Variants in C3orf33 observed in about 807,000 individuals in gnomAD.
The protein encoded by C3orf33 is mitochondrial inner membrane subdomain organizer 1.
A neutral mutation model predicts 28.7 loss-of-function variants in C3orf33; 23 were observed. The observed-to-expected ratio is 0.80, with a 90% CI of 0.58 to 1.13. C3orf33 has a LOEUF of 1.13. Ranked by LOEUF, C3orf33 falls within the 50% of genes most tolerant of loss-of-function variation. The pLI is 0.00. For synonymous variants in C3orf33, 119 were observed against 120.5 expected, an observed-to-expected ratio of 0.99 and a Z score of 0.08; for missense variants, 327 against 353.4, an observed-to-expected ratio of 0.93 and a Z score of 0.60.
At chr3:155,805,888 C>G (rs1751795192) in intron 1 of C3orf33, among the ~76,000 whole-genome samples, 1 of 152,208 alleles carries the variant, frequency 6.6e-6, no homozygotes, top group Admixed American at 6.5e-5. Flanking sequence ...TGAGGTGCCC[C>G]CTACAGCCCA....
chr3:155,790,983 G>A (rs951404876), intron 2 of C3orf33, among the ~76,000 whole-genome samples: 5 of 152,202 alleles, frequency 3.3e-5, no homozygotes, highest in Admixed American at 6.5e-5. Context: ...AGACATCAAT[G>A]AGGGTGGCCA....
chr3:155,763,579 A>G lies in C3orf33; in HGVS notation c.823T>C (p.Cys275Arg), dbSNP rs191188831. 4.7e-4 allele frequency: 738 copies of G among 1,573,646 alleles called. No individual in the cohort carries two copies. The highest frequency in any genetic ancestry group is 6.3e-4 in the South Asian group (52 of 82,422). ...YEIWKDNMNN[C>R]SLILKFRELI... ...TCTCTGAACTTCAGTATTAAGGAGC[A>G]GTTGTTCATGTTGTCTTTCCATATT... Residue 275 changes from cysteine (C) to arginine (R), a missense_variant, in exon 5 of 5, where the codon TGC becomes CGC. Cys to Arg is a radical substitution (Grantham distance 180). Transcript: ENST00000340171.
chr3:155,762,746 G>A lies in C3orf33; in HGVS notation c.*771C>T, dbSNP rs966159486. ...TTAGCCAGGCTTGGTGGGAGCTCCT[G>A]TAATCCCAGGTACTTGGGAGGCTCA... On this transcript the variant is annotated 3_prime_UTR_variant, in exon 5 of 5. Coordinates refer to ENST00000340171, the MANE Select transcript of C3orf33 (RefSeq NM_001308229.2). 1 of 152,170 alleles carries A rather than the reference G, an allele frequency of 6.6e-6. No homozygotes were observed. The highest frequency in any genetic ancestry group is 2.4e-5 in the African/African-American group (1 of 41,422). 9.4% of individuals were successfully genotyped at this position (152,170 alleles called of 1,614,324 possible). A position where few individuals can be genotyped will look rare whatever the true frequency, so the allele number is the denominator to read the frequency against.
intron 2 of C3orf33, among the ~76,000 whole-genome samples, chr3:155,788,083 G>C (rs867835085): frequency 1.3e-5 from 2 of 151,690 alleles, no homozygotes; most frequent in Non-Finnish European, 2.9e-5. Flanking sequence ...CCCAGCTACT[G>C]GGGAGGCTGA....
At chr3:155,801,094 C>G (rs997120039) in intron 2 of C3orf33, among the ~76,000 whole-genome samples, 1 of 152,088 alleles carries the variant, frequency 6.6e-6, no homozygotes, top group African/African-American at 2.4e-5. Context: ...CGGTGTATCA[C>G]TTGAGGTCAA....
At chr3:155,785,551 G>GA (rs1751075620) in intron 2 of C3orf33, among the ~76,000 whole-genome samples, 2 of 151,994 alleles carry the variant, frequency 1.3e-5, no homozygotes, top group African/African-American at 4.8e-5. Flanking sequence ...AATAACAGAA[G>GA]AAAAAATTTG....
intron 4 of C3orf33, 75 bp downstream of exon 4, chr3:155,767,434 T>A (rs560279408): frequency 8.6e-7 from 1 of 1,169,012 alleles, no homozygotes; most frequent in African/African-American, 1.6e-5. Context: ...TATCCAAAGT[T>A]CTAATTAAAT....
intron 4 of C3orf33, among the ~76,000 whole-genome samples, chr3:155,764,653 C>T (rs1750341971): frequency 1.3e-5 from 2 of 151,660 alleles, no homozygotes; most frequent in South Asian, 4.2e-4. Flanking sequence ...GAGTTCGAGA[C>T]CAGCCTGGCC....
rs1750270498 is a variant in C3orf33 at position 155,762,654 on chromosome 3, G to A, written c.*863C>T. ...AATTCCTTTATTATAAATAGTGAAAGGTAATAAAACTGGAAACATAAACAC... is the reference window on the plus strand; with the variant it reads ...AATTCCTTTATTATAAATAGTGAAAAGTAATAAAACTGGAAACATAAACAC... On this transcript the variant is annotated 3_prime_UTR_variant, in exon 5 of 5. Coordinates refer to ENST00000340171, the MANE Select transcript of C3orf33 (RefSeq NM_001308229.2). 2.0e-5 allele frequency: 3 copies of A among 152,090 alleles called. No homozygotes were observed. Among genetic ancestry groups the A allele is most frequent in the Admixed American group, 1.3e-4 (2 of 15,238 alleles). The allele number at this position is 152,090 out of a possible 1,614,324, so 9.4% of individuals were successfully genotyped here.
At chr3:155,798,355 A>T (rs529806264) in intron 2 of C3orf33, among the ~76,000 whole-genome samples, 1 of 152,200 alleles carries the variant, frequency 6.6e-6, no homozygotes, top group East Asian at 1.9e-4. Context: ...GAACAATCAC[A>T]TTACTTGACT....
At chr3:155,767,739 C>G in intron 3 of C3orf33, 70 bp from the exon 4 acceptor site, 1 of 1,116,498 alleles carries the variant, frequency 9.0e-7, no homozygotes, top group Non-Finnish European at 1.2e-6. Flanking sequence ...AGTCAGTTGG[C>G]CTCCAACAAA....
chr3:155,770,917 G>T (rs933543674), intron 3 of C3orf33, among the ~76,000 whole-genome samples: 1 of 151,220 alleles, frequency 6.6e-6, no homozygotes, highest in Non-Finnish European at 1.5e-5. Flanking sequence ...CAAGTTATCT[G>T]CCCACCTCGG....
At chr3:155,787,939 C>A (rs1489643068) in intron 2 of C3orf33, among the ~76,000 whole-genome samples, 1 of 151,936 alleles carries the variant, frequency 6.6e-6, no homozygotes, top group African/African-American at 2.4e-5. Flanking sequence ...TGCCTGTAAT[C>A]CCAGCACTTT....
intron 1 of C3orf33, among the ~76,000 whole-genome samples, chr3:155,804,648 G>A (rs1381884481): frequency 1.3e-5 from 2 of 152,112 alleles, no homozygotes; most frequent in Non-Finnish European, 2.9e-5. Context: ...CTACCTCACT[G>A]TCTGCTTCTT....
intron 3 of C3orf33, among the ~76,000 whole-genome samples, chr3:155,774,657 A>G (rs1193363563): frequency 8.5e-6 from 1 of 118,156 alleles, no homozygotes; most frequent in Non-Finnish European, 1.7e-5. Context: ...ACGTTATGAT[A>G]TTGTTTTGCT....
chr3:155,801,275 C>T (rs1216445030), intron 2 of C3orf33, among the ~76,000 whole-genome samples: 1 of 148,784 alleles, frequency 6.7e-6, no homozygotes, highest in East Asian at 2.0e-4. Flanking sequence ...CACACCACTT[C>T]ACTCCTTCCT....
At chr3:155,784,756 TTAAA>T (rs1253027336) in intron 2 of C3orf33, among the ~76,000 whole-genome samples, 1 of 149,940 alleles carries the variant, frequency 6.7e-6, no homozygotes, top group Non-Finnish European at 1.5e-5. Flanking sequence ...AAATAATTAA[TTAAA>T]TAAATAAAAT....
intron 3 of C3orf33, among the ~76,000 whole-genome samples, chr3:155,769,289 G>A (rs1353974374): frequency 6.7e-6 from 1 of 149,262 alleles, no homozygotes; most frequent in Admixed American, 6.8e-5. Context: ...TCCAGCCTGG[G>A]CAACAAGAGC....
Position 155,778,311 on chromosome 3 carries a change from T to C in C3orf33, c.175-2463A>G, listed in dbSNP as rs190203320. 7.6e-3 allele frequency among the ~76,000 whole-genome samples: 1,157 copies of C among 152,040 alleles called. 15 individuals carry two copies. Among genetic ancestry groups the C allele is most frequent in the African/African-American group, 0.027 (1,119 of 41,302 alleles). ...ACATCTGAATATGAACTTTATTTTA[T>C]GTAAGATTGGTGCAGAAATGTTAAA... is the stretch of plus-strand genomic sequence containing the variant. On this transcript the variant is annotated intron_variant, in intron 2 of 4. Coordinates refer to ENST00000340171, the MANE Select transcript of C3orf33 (RefSeq NM_001308229.2).
Sources: gnomAD v4.1 joint callset for allele counts (sites outside exome capture counted in the v4.1 genomes callset) on GRCh38, gnomAD v4.1.1 for gene constraint, MANE v1.5 for transcripts, NCBI Gene and HGNC (gene_info 2026-07-23, HGNC 2026-07-21) for gene names.